STOX1: variants seen among roughly 807,000 people sequenced by gnomAD.
STOX1 encodes the protein storkhead-box protein 1.
STOX1 carries 57 observed loss-of-function variants against 74.8 expected under a neutral mutation model. The ratio of observed to expected loss-of-function variants is 0.76; its 90% CI spans 0.62 to 0.95. The LOEUF (loss-of-function observed/expected upper bound fraction) is 0.95, where lower values mean the gene tolerates loss of function less well. Among genes scored for constraint, STOX1 ranks in the 40% least tolerant of loss-of-function variants. The pLI, the probability that STOX1 is intolerant of heterozygous loss-of-function variation, is 0.00. For missense variants in STOX1, 1,010 were observed against 1,117.0 expected (o/e 0.90, Z 1.37); for synonymous variants, 375 against 401.3 (o/e 0.93, Z 0.78).
intron 3 of STOX1, among the ~76,000 whole-genome samples, chr10:68,888,077 GCACACACGCACA>G (rs1207698615): frequency 1.3e-5 from 2 of 150,902 alleles, no homozygotes; most frequent in East Asian, 1.9e-4. Context: ...ACACACGCGC[GCACACACGCACA>G]CACACGCGCA....
At chr10:68,828,891 A>G (rs1839335581) in intron 1 of STOX1, 25 of 793,592 alleles carry the variant, frequency 3.2e-5, no homozygotes, top group Non-Finnish European at 3.7e-5. Context: ...TGTTTGTTAG[A>G]CAACAGCAGC....
At chr10:68,842,927 G>A (rs375538667) in intron 1 of STOX1, among the ~76,000 whole-genome samples, 4 of 152,134 alleles carry the variant, frequency 2.6e-5, no homozygotes, top group Non-Finnish European at 5.9e-5. Flanking sequence ...TTGACTCCCC[G>A]AGTCTAAAGC....
chr10:68,836,895 A>G (rs548547100), intron 1 of STOX1, among the ~76,000 whole-genome samples: 2 of 152,240 alleles, frequency 1.3e-5, no homozygotes, highest in Non-Finnish European at 1.5e-5. Context: ...AAACAGGGGA[A>G]GTATACCTTC....
chr10:68,865,526 G>A (rs1461960129), intron 1 of STOX1, among the ~76,000 whole-genome samples: 1 of 152,186 alleles, frequency 6.6e-6, no homozygotes, highest in Non-Finnish European at 1.5e-5. Context: ...GTGGGCACCT[G>A]TAGTCCCAGC....
chr10:68,851,430 A>C (rs1353276829), intron 1 of STOX1, among the ~76,000 whole-genome samples: 1 of 152,230 alleles, frequency 6.6e-6, no homozygotes, highest in African/African-American at 2.4e-5. Context: ...GTAGTAAAAA[A>C]AATCATTAAA....
chr10:68,861,347 A>G (rs1417645776), intron 1 of STOX1, among the ~76,000 whole-genome samples: 2 of 152,152 alleles, frequency 1.3e-5, no homozygotes. Context: ...TGCAGCAGGA[A>G]CATGTCCTTA....
intron 1 of STOX1, among the ~76,000 whole-genome samples, chr10:68,852,873 C>T (rs764455034): frequency 1.3e-5 from 2 of 151,866 alleles, no homozygotes; most frequent in Admixed American, 6.6e-5. Flanking sequence ...GGAAGCCTTA[C>T]TTGGCAGTTG....
intron 1 of STOX1, among the ~76,000 whole-genome samples, chr10:68,842,536 C>CTTTTT (rs11332701): frequency 1.6e-3 from 115 of 71,918 alleles, no homozygotes; most frequent in Middle Eastern, 0.01. Context: ...TGTACCATTT[C>CTTTTT]TTTTTTTTTT....
chr10:68,893,098 T>C (rs986284941), downstream of STOX1: 8 of 227,936 alleles, frequency 3.5e-5, no homozygotes, highest in African/African-American at 1.9e-4. Context: ...TACACTAATA[T>C]TGAGTTCTAA....
chr10:68,840,817 T>A (rs894232387), intron 1 of STOX1, among the ~76,000 whole-genome samples: 6 of 152,128 alleles, frequency 3.9e-5, no homozygotes, highest in Non-Finnish European at 8.8e-5. Context: ...CGCCTCGGCC[T>A]CCCAAAGTGC....
At chr10:68,849,692 AG>A (rs1261080986) in intron 1 of STOX1, among the ~76,000 whole-genome samples, 3 of 152,152 alleles carry the variant, frequency 2.0e-5, no homozygotes, top group Non-Finnish European at 4.4e-5. Flanking sequence ...AAAGCTAGTA[AG>A]GGTGGAAGCT....
chr10:68,877,421 G>A (rs889416313), intron 1 of STOX1, among the ~76,000 whole-genome samples: 1 of 152,192 alleles, frequency 6.6e-6, no homozygotes, highest in Non-Finnish European at 1.5e-5. Context: ...ATTAAAAGTA[G>A]TGCTTTTTGA....
intron 1 of STOX1, among the ~76,000 whole-genome samples, chr10:68,865,793 T>C (rs1343089607): frequency 1.3e-5 from 2 of 152,234 alleles, no homozygotes; most frequent in Non-Finnish European, 2.9e-5. Context: ...TTTTTCTTAA[T>C]TATGAAAACT....
Position 68,885,717 on chromosome 10 carries a change from C to T in STOX1, c.1921C>T (p.Leu641=). 6.2e-7 allele frequency: 1 copy of T among 1,614,136 alleles called. No individual in the cohort carries two copies. Among genetic ancestry groups the T allele is most frequent in the East Asian group, 2.2e-5 (1 of 44,888 alleles). Residue 641 remains leucine (L), a synonymous_variant, in exon 3 of 4, where the codon CTG becomes TTG. Coordinates refer to ENST00000298596, the MANE Select transcript of STOX1 (RefSeq NM_152709.5). ...GGAGACCAAACAGACTCCGCATAGT[C>T]TGCCATCACGAGGTGCCTCCTTTTC... ...LGETKQTPHS[L]PSRGASFSDR... is the part of the protein sequence containing the mutation.
chr10:68,830,716 T>TAA, intron 1 of STOX1, among the ~76,000 whole-genome samples: 1 of 152,272 alleles, frequency 6.6e-6, no homozygotes, highest in South Asian at 2.1e-4. Context: ...TTGAAGCTTT[T>TAA]AACGAGTCCT....
rs748049707 is a variant in STOX1, at chr10:68,884,701, CAA to C, written c.906_907del (p.Asp304Ter). 6.2e-7 allele frequency: 1 copy of C among 1,614,144 alleles called. No homozygotes were observed. Among genetic ancestry groups the C allele is most frequent in the East Asian group, 2.2e-5 (1 of 44,886 alleles). ...GAGAGCACCAAACCTTTACCATACA[CAA>C]GAGATAAAGAAAAAGGCAAGAAGTT... On this transcript the variant is annotated frameshift_variant, in exon 3 of 4. Transcript: ENST00000298596. LOFTEE classifies it high-confidence loss of function.
In STOX1 at chr10:68,885,960, C is replaced by G. The variant is rs780764415; in HGVS notation, c.2164C>G (p.Gln722Glu). 4 of 1,614,094 alleles carry G rather than the reference C, an allele frequency of 2.5e-6. No homozygotes were observed. The highest frequency in any genetic ancestry group is 3.4e-6 in the Non-Finnish European group (4 of 1,180,026). Residue 722 changes from glutamine (Q) to glutamate (E), a missense_variant, in exon 3 of 4, where the codon CAG becomes GAG. Physicochemically the swap from Gln to Glu is conservative, Grantham distance 29 (BLOSUM62 2). Coordinates refer to ENST00000298596, the MANE Select transcript of STOX1 (RefSeq NM_152709.5). The part of the protein sequence containing the change: ...QLSNDDQALY[Q>E]NEVEDDDGAC... ...TTCTAACGATGACCAGGCCTTGTAT[C>G]AGAATGAAGTGGAAGATGATGATGG...
intron 1 of STOX1, among the ~76,000 whole-genome samples, chr10:68,874,586 G>A (rs1840629365): frequency 3.5e-5 from 3 of 84,742 alleles, no homozygotes; most frequent in African/African-American, 5.7e-5. Flanking sequence ...CTTGCTTCCC[G>A]GGAGGCGGAG....
Position 68,882,112 on chromosome 10 carries a change from T to C in STOX1, c.463+2T>C. 1 of 1,613,536 alleles carries C rather than the reference T, an allele frequency of 6.2e-7. No homozygotes were observed. Among genetic ancestry groups the C allele is most frequent in the Non-Finnish European group, 8.5e-7 (1 of 1,179,600 alleles). On this transcript the variant is annotated splice_donor_variant, in intron 2 of 3. Transcript: ENST00000298596. LOFTEE classifies it high-confidence loss of function. Reference sequence around the variant, plus strand: ...AGCGTTTGATGAAACATTACCCAGGTAGAGTAATAAATTTTTGTCTATTTG... The same window carrying C: ...AGCGTTTGATGAAACATTACCCAGGCAGAGTAATAAATTTTTGTCTATTTG...
Sources: allele counts gnomAD v4.1 joint callset (sites outside exome capture counted in the v4.1 genomes callset), GRCh38; gene constraint gnomAD v4.1.1; transcripts MANE v1.5; gene names NCBI Gene and HGNC (gene_info 2026-07-23, HGNC 2026-07-21).